Variants in DOK5 observed in about 807,000 individuals in gnomAD.
DOK5 encodes the protein docking protein 5.
Under a neutral mutation model 43.3 loss-of-function variants are expected in DOK5, and 27 were observed. The observed-to-expected ratio is 0.62, with a 90% CI of 0.46 to 0.86. The LOEUF is 0.86. DOK5 is among the 40% of genes least tolerant of loss of function. DOK5 has a pLI of 0.00. For synonymous variants in DOK5, 146 were observed against 140.1 expected (o/e 1.04, Z -0.30); for missense variants, 373 against 392.9 (o/e 0.95, Z 0.43).
At chr20:54,566,990 T>A (rs574406000) in intron 2 of DOK5, among the ~76,000 whole-genome samples, 1 of 152,308 alleles carries the variant, frequency 6.6e-6, no homozygotes, top group Non-Finnish European at 1.5e-5. Context: ...TTCTATGAAA[T>A]GTCTCTTTAT....
At chr20:54,642,585 G>A (rs1034981439) in intron 6 of DOK5, among the ~76,000 whole-genome samples, 2 of 150,820 alleles carry the variant, frequency 1.3e-5, no homozygotes, top group Non-Finnish European at 3.0e-5. Flanking sequence ...TTAGCCGGGC[G>A]TGGTGGCATG....
intron 1 of DOK5, among the ~76,000 whole-genome samples, chr20:54,535,333 T>A (rs1212700661): frequency 6.6e-6 from 1 of 152,142 alleles, no homozygotes; most frequent in African/African-American, 2.4e-5. Context: ...ATGGAATTCA[T>A]TTCTCTTCCC....
At chr20:54,534,577 C>T (rs1194796804) in intron 1 of DOK5, among the ~76,000 whole-genome samples, 1 of 152,170 alleles carries the variant, frequency 6.6e-6, no homozygotes, top group African/African-American at 2.4e-5. Flanking sequence ...ATAAACTGGA[C>T]ATTAACAGGT....
chr20:54,592,689 C>T lies in DOK5; in HGVS notation c.599+884C>T, dbSNP rs146642979. 9.3e-3 allele frequency among the ~76,000 whole-genome samples: 1,416 copies of T among 151,930 alleles called. 26 individuals are homozygous for T. Among genetic ancestry groups the T allele is most frequent in the African/African-American group, 0.03 (1,253 of 41,448 alleles). On this transcript the variant is annotated intron_variant, in intron 5 of 7. Coordinates refer to ENST00000262593, the MANE Select transcript of DOK5 (RefSeq NM_018431.5). Reference sequence around the variant, plus strand: ...CTGAGTAGCTGGGACTACAGGTGCCCGCCACCACGCCTCGCTAATTTTTTT... The same window carrying T: ...CTGAGTAGCTGGGACTACAGGTGCCTGCCACCACGCCTCGCTAATTTTTTT...
intron 1 of DOK5, among the ~76,000 whole-genome samples, chr20:54,513,536 T>C (rs1015884739): frequency 6.6e-6 from 1 of 151,106 alleles, no homozygotes; most frequent in East Asian, 1.9e-4. Flanking sequence ...TGGTCATTTA[T>C]TGCTTTCATT....
At chr20:54,521,037 C>T (rs571674208) in intron 1 of DOK5, among the ~76,000 whole-genome samples, 2 of 152,066 alleles carry the variant, frequency 1.3e-5, no homozygotes, top group Non-Finnish European at 2.9e-5. Flanking sequence ...GCTTGTGGCT[C>T]GGCTTGCTCC....
intron 1 of DOK5, among the ~76,000 whole-genome samples, chr20:54,479,625 T>A (rs890875824): frequency 6.6e-6 from 1 of 152,200 alleles, no homozygotes; most frequent in Admixed American, 6.5e-5. Flanking sequence ...GAAACTCGGG[T>A]TTATTTATCT....
intron 1 of DOK5, among the ~76,000 whole-genome samples, chr20:54,513,113 T>C (rs1218111456): frequency 6.6e-6 from 1 of 152,104 alleles, no homozygotes; most frequent in African/African-American, 2.4e-5. Flanking sequence ...AGCCCTTTAA[T>C]AAGGGGCAGA....
Position 54,475,667 on chromosome 20 carries a change from G to A in DOK5, c.-280G>A, listed in dbSNP as rs1600644004. 1 of 516,730 alleles carries A rather than the reference G, an allele frequency of 1.9e-6. No homozygotes were observed. Among genetic ancestry groups the A allele is most frequent in the Admixed American group, 3.4e-5 (1 of 29,688 alleles). The allele number at this position is 516,730 out of a possible 1,614,324, so 32.0% of individuals were successfully genotyped here. On this transcript the variant is annotated 5_prime_UTR_variant, in exon 1 of 8. Coordinates refer to ENST00000262593, the MANE Select transcript of DOK5 (RefSeq NM_018431.5). This position sits in a 1 kb window ranked among gnomAD's most constrained non-coding sequence, Gnocchi z 4.2. ...CCGCCGCCGCTCCTCCTCCTGGCAGGCCGGCCGCGGAGTCAGCTGACGCCG... is the reference window on the plus strand; with the variant it reads ...CCGCCGCCGCTCCTCCTCCTGGCAGACCGGCCGCGGAGTCAGCTGACGCCG...
At chr20:54,507,113 G>A (rs1442610095) in intron 1 of DOK5, among the ~76,000 whole-genome samples, 1 of 152,098 alleles carries the variant, frequency 6.6e-6, no homozygotes, top group Non-Finnish European at 1.5e-5. Context: ...AATATTTTTT[G>A]AGTACTTATT....
At chr20:54,515,370 C>A (rs6068898) in intron 1 of DOK5, among the ~76,000 whole-genome samples, 3 of 152,150 alleles carry the variant, frequency 2.0e-5, no homozygotes, top group Admixed American at 2.0e-4. Flanking sequence ...TTCTTATAAC[C>A]TAGTGGGAAA....
intron 1 of DOK5, among the ~76,000 whole-genome samples, chr20:54,510,313 A>G (rs983486686): frequency 6.6e-6 from 1 of 152,212 alleles, no homozygotes; most frequent in Admixed American, 6.5e-5. Context: ...CTTGACACTT[A>G]ATTTTAAAAT....
chr20:54,614,017 G>A (rs1986729483), intron 6 of DOK5, among the ~76,000 whole-genome samples: 1 of 148,682 alleles, frequency 6.7e-6, no homozygotes, highest in African/African-American at 2.5e-5. Flanking sequence ...TATATATATG[G>A]TTATATATAT....
intron 1 of DOK5, among the ~76,000 whole-genome samples, chr20:54,528,321 T>C (rs1983647842): frequency 6.6e-6 from 1 of 152,090 alleles, no homozygotes; most frequent in Non-Finnish European, 1.5e-5. Flanking sequence ...AGAATAATAG[T>C]AGCTTATTAA....
chr20:54,621,057 T>C (rs1437827766), intron 6 of DOK5, among the ~76,000 whole-genome samples: 1 of 152,162 alleles, frequency 6.6e-6, no homozygotes, highest in Non-Finnish European at 1.5e-5. Context: ...TATAATCATA[T>C]CAACGTGTGT....
At chr20:54,512,423 AT>A (rs1983044390) in intron 1 of DOK5, among the ~76,000 whole-genome samples, 1 of 152,192 alleles carries the variant, frequency 6.6e-6, no homozygotes, top group Non-Finnish European at 1.5e-5. Context: ...GACAGTTACA[AT>A]TTGTTAAAAA....
intron 2 of DOK5, among the ~76,000 whole-genome samples, chr20:54,587,083 G>A (rs952246391): frequency 1.3e-5 from 2 of 152,178 alleles, no homozygotes; most frequent in East Asian, 3.9e-4. Context: ...ATAAGTAGTT[G>A]TGACAAGATG....
chr20:54,554,604 G>A (rs776949081), intron 1 of DOK5, among the ~76,000 whole-genome samples: 3 of 152,282 alleles, frequency 2.0e-5, no homozygotes, highest in Middle Eastern at 6.8e-3. Context: ...TGAAATTCTA[G>A]CATGTTCCTT....
At chr20:54,590,376 T>C (rs1007024828) in intron 4 of DOK5, among the ~76,000 whole-genome samples, 1 of 152,166 alleles carries the variant, frequency 6.6e-6, no homozygotes, top group Non-Finnish European at 1.5e-5. Flanking sequence ...TAAATTTTTA[T>C]TATTATTTTT....
Sources: gnomAD v4.1 joint callset for allele counts (sites outside exome capture counted in the v4.1 genomes callset) on GRCh38, gnomAD v4.1.1 for gene constraint, Gnocchi (gnomAD v3.1) non-coding constraint, MANE v1.5 for transcripts, NCBI Gene and HGNC (gene_info 2026-07-23, HGNC 2026-07-21) for gene names.